RUNDC3B: variants seen among roughly 807,000 people sequenced by gnomAD.
RUNDC3B encodes the protein RUN domain containing 3B.
In RUNDC3B, 33 loss-of-function variants were observed where a neutral mutation model predicts 58.4. That is an observed-to-expected ratio of 0.56 (90% CI 0.43 to 0.75). The LOEUF (loss-of-function observed/expected upper bound fraction) is 0.75, where lower values mean the gene tolerates loss of function less well. RUNDC3B is among the 30% of genes least tolerant of loss of function. The pLI is 0.00. For synonymous variants in RUNDC3B, 193 were observed against 195.2 expected (o/e 0.99, Z 0.10); for missense variants, 501 against 535.7 (o/e 0.94, Z 0.64).
intron 7 of RUNDC3B, among the ~76,000 whole-genome samples, chr7:87,771,987 A>G (rs1834310470): frequency 6.6e-6 from 1 of 152,194 alleles, no homozygotes. Context: ...TACTGCCATC[A>G]TGGCCAATTT....
chr7:87,807,564 AC>A (rs1836504332), intron 9 of RUNDC3B, 45 bp downstream of exon 9: 1 of 1,388,000 alleles, frequency 7.2e-7, no homozygotes, highest in African/African-American at 1.4e-5. Flanking sequence ...AGTTAGTTGT[AC>A]CAAAACATAT....
chr7:87,820,103 GT>G (rs895767222), intron 10 of RUNDC3B, among the ~76,000 whole-genome samples: 1 of 152,112 alleles, frequency 6.6e-6, no homozygotes, highest in African/African-American at 2.4e-5. Flanking sequence ...CCAGGAACTG[GT>G]TTTTTGAAAA....
At chr7:87,641,015 C>T (rs1441640410) in intron 1 of RUNDC3B, among the ~76,000 whole-genome samples, 1 of 152,022 alleles carries the variant, frequency 6.6e-6, no homozygotes, top group African/African-American at 2.4e-5. Flanking sequence ...ATCTTTATAT[C>T]TACTTTTATG....
At chr7:87,657,788 C>T (rs1461099490) in intron 2 of RUNDC3B, among the ~76,000 whole-genome samples, 1 of 152,112 alleles carries the variant, frequency 6.6e-6, no homozygotes, top group Non-Finnish European at 1.5e-5. Flanking sequence ...GAAGCCTGGA[C>T]TCCAAGTCCC....
intron 2 of RUNDC3B, among the ~76,000 whole-genome samples, chr7:87,694,817 G>A (rs1210228697): frequency 6.6e-6 from 1 of 152,032 alleles, no homozygotes; most frequent in East Asian, 1.9e-4. Flanking sequence ...GGATAAAAAA[G>A]CCTATTAAAT....
Position 87,628,840 on chromosome 7 carries a change from T to C in RUNDC3B, c.17T>C (p.Leu6Pro). 1 of 1,262,362 alleles carries C rather than the reference T, an allele frequency of 7.9e-7. No homozygotes were observed. The highest frequency in any genetic ancestry group is 1.0e-6 in the Non-Finnish European group (1 of 995,590). 78.2% of individuals were successfully genotyped at this position (1,262,362 alleles called of 1,614,324 possible). ...AAGCCCGCCATGGCCTCCCGGAGCCTGGGGGGCCTGAGCGGGATCCGCGGC... is the reference window on the plus strand; with the variant it reads ...AAGCCCGCCATGGCCTCCCGGAGCCCGGGGGGCCTGAGCGGGATCCGCGGC... MASRS[L>P]GGLSGIRGGG... The change falls in exon 1 of 11, where the codon CTG becomes CCG. Residue 6 changes from leucine to proline, a missense_variant. Physicochemically the swap from Leu to Pro is moderately conservative, Grantham distance 98. Transcript: ENST00000394654.
Position 87,650,923 on chromosome 7 carries a change from G to A in RUNDC3B, c.224G>A (p.Ser75Asn), listed in dbSNP as rs1823509614. 6.3e-7 allele frequency: 1 copy of A among 1,599,582 alleles called. No homozygotes were observed. Among genetic ancestry groups the A allele is most frequent in the Admixed American group, 1.7e-5 (1 of 59,886 alleles). Residue 75 changes from serine (S) to asparagine (N), a missense_variant, in exon 2 of 11, where the codon AGC (serine) becomes AAC (asparagine). Ser to Asn is a conservative substitution (Grantham distance 46). Coordinates refer to ENST00000394654, the MANE Select transcript of RUNDC3B (RefSeq NM_001134405.2). ...NFAAILEQIL[S>N]HRLKGQVTWF... ...GCAGCTATTTTGGAACAGATTTTAA[G>A]CCACCGGCTAAAAGGTAAAAGCACT...
At chr7:87,783,518 C>T (rs980661643) in intron 8 of RUNDC3B, among the ~76,000 whole-genome samples, 2 of 152,038 alleles carry the variant, frequency 1.3e-5, no homozygotes, top group African/African-American at 4.8e-5. Context: ...GTTAATATCG[C>T]TATGTGATGT....
chr7:87,711,054 C>T lies in RUNDC3B; in HGVS notation c.458+399C>T, dbSNP rs28381725. On this transcript the variant is annotated intron_variant, in intron 4 of 10. Transcript: ENST00000394654. ...GTAAAGAATATACATTGGCCGGGCA[C>T]GGTGGCTCACACCTATAATCCCAGC... Among the ~76,000 whole-genome samples the T allele has an allele frequency of 3.3e-4, 50 of 152,098 alleles. No homozygotes were observed. The East Asian group carries it at 7.5e-3, about 23-fold the overall frequency.
At chr7:87,676,896 G>T (rs936805856) in intron 2 of RUNDC3B, among the ~76,000 whole-genome samples, 1 of 151,960 alleles carries the variant, frequency 6.6e-6, no homozygotes, top group Non-Finnish European at 1.5e-5. Flanking sequence ...ACTCATCAGA[G>T]AAATGCAAAT....
intron 4 of RUNDC3B, among the ~76,000 whole-genome samples, chr7:87,716,356 A>G (rs185919230): frequency 8.0e-4 from 122 of 152,322 alleles, no homozygotes; most frequent in Non-Finnish European, 1.4e-3. Context: ...TTCCTGAGTG[A>G]GCTTTACAAA....
chr7:87,752,224 C>T (rs1469413960), intron 6 of RUNDC3B, among the ~76,000 whole-genome samples: 1 of 152,028 alleles, frequency 6.6e-6, no homozygotes, highest in Non-Finnish European at 1.5e-5. Flanking sequence ...AGGGATGAAG[C>T]CCACTTGATC....
intron 10 of RUNDC3B, among the ~76,000 whole-genome samples, chr7:87,826,751 C>A (rs1167084661): frequency 6.6e-6 from 1 of 152,016 alleles, no homozygotes; most frequent in Non-Finnish European, 1.5e-5. Context: ...AAGATCTAAC[C>A]AAGTACTAAA....
chr7:87,824,225 AAAG>A (rs1837665024), intron 10 of RUNDC3B, among the ~76,000 whole-genome samples: 1 of 152,222 alleles, frequency 6.6e-6, no homozygotes, highest in South Asian at 2.1e-4. Context: ...AATGTCTAAT[AAAG>A]AAGAAGAAAT....
At chr7:87,726,926 C>A (rs576085428) in intron 4 of RUNDC3B, among the ~76,000 whole-genome samples, 1 of 152,028 alleles carries the variant, frequency 6.6e-6, no homozygotes, top group African/African-American at 2.4e-5. Flanking sequence ...GTGATTTTTG[C>A]ACATTGATTT....
chr7:87,655,949 A>C (rs577938377), intron 2 of RUNDC3B, among the ~76,000 whole-genome samples: 72 of 152,188 alleles, frequency 4.7e-4, no homozygotes, highest in African/African-American at 1.5e-3. Flanking sequence ...GAGACACAAC[A>C]TTCCTTCACT....
At chr7:87,703,041 T>C (rs1004595921) in intron 3 of RUNDC3B, among the ~76,000 whole-genome samples, 3 of 152,164 alleles carry the variant, frequency 2.0e-5, no homozygotes, top group African/African-American at 7.2e-5. Context: ...GTAGCTTTAT[T>C]ATTTTGACAT....
At chr7:87,740,765 G>T (rs1402666792) in intron 5 of RUNDC3B, among the ~76,000 whole-genome samples, 1 of 152,092 alleles carries the variant, frequency 6.6e-6, no homozygotes, top group East Asian at 1.9e-4. Context: ...GGTTTAATTA[G>T]CTTAATTGTG....
chr7:87,820,241 C>T (rs1196913501), intron 10 of RUNDC3B, among the ~76,000 whole-genome samples: 2 of 152,176 alleles, frequency 1.3e-5, no homozygotes, highest in Non-Finnish European at 2.9e-5. Context: ...AAACTACCAT[C>T]AGAGAATACT....
Sources: gnomAD v4.1 joint callset for allele counts (sites outside exome capture counted in the v4.1 genomes callset) on GRCh38, gnomAD v4.1.1 for gene constraint, MANE v1.5 for transcripts, NCBI Gene and HGNC (gene_info 2026-07-23, HGNC 2026-07-21) for gene names.